The following CNTNAP3B variants were observed in gnomAD, a reference collection of about 807,000 sequenced individuals.
CNTNAP3B encodes the protein contactin-associated protein-like 3B.
Under a neutral mutation model 108.9 loss-of-function variants are expected in CNTNAP3B, and 25 were observed. That is an observed-to-expected ratio of 0.23 (90% CI 0.17 to 0.32). The LOEUF (loss-of-function observed/expected upper bound fraction) is 0.32. Among genes scored for constraint, CNTNAP3B ranks in the 10% least tolerant of loss-of-function variants. CNTNAP3B has a pLI of 1.00. For synonymous variants in CNTNAP3B, 103 were observed against 473.4 expected (o/e 0.22, Z 10.16); for missense variants, 252 against 1,210.4 (o/e 0.21, Z 11.75).
Position 42,129,398 on chromosome 9 carries a change from G to C in CNTNAP3B, c.-304C>G, listed in dbSNP as rs1828643547. The C allele has an allele frequency of 6.4e-6, 2 of 311,904 alleles. No individual in the cohort carries two copies. Among genetic ancestry groups the C allele is most frequent in the South Asian group, 2.6e-4 (2 of 7,580 alleles). The allele number at this position is 311,904 out of a possible 1,614,324, so 19.3% of individuals were successfully genotyped here. ...TTCAGGCGCGTCCCGGACACTAGGC[G>C]CGGGAGGCGGCCGGCACCAACGCGA... On this transcript the variant is annotated 5_prime_UTR_variant, in exon 1 of 24. Coordinates refer to ENST00000377561, the MANE Select transcript of CNTNAP3B (RefSeq NM_001201380.3).
intron 1 of CNTNAP3B, among the ~76,000 whole-genome samples, chr9:42,109,519 G>A (rs534453414): frequency 6.8e-6 from 1 of 147,842 alleles, no homozygotes; most frequent in Non-Finnish European, 1.5e-5. Flanking sequence ...AAAGCCAAAA[G>A]GAGGGGCGAC....
At chr9:42,124,252 C>T (rs1348100405) in intron 1 of CNTNAP3B, among the ~76,000 whole-genome samples, 2 of 129,660 alleles carry the variant, frequency 1.5e-5, no homozygotes, top group East Asian at 2.4e-4. Flanking sequence ...TTTTTTAGCC[C>T]CCACTTTATG....
In CNTNAP3B at chr9:42,110,402, C is replaced by T. The variant is rs1424773577; in HGVS notation, c.86-5663G>A. On this transcript the variant is annotated intron_variant, in intron 1 of 23. Coordinates refer to ENST00000377561, the MANE Select transcript of CNTNAP3B (RefSeq NM_001201380.3). Reference sequence around the variant, plus strand: ...ATGGAAGGAGAGGGGAAGGGGCCACCGAACTGCTAATATGAGGGGACGGCA... The same window carrying T: ...ATGGAAGGAGAGGGGAAGGGGCCACTGAACTGCTAATATGAGGGGACGGCA... 8.1e-5 allele frequency among the ~76,000 whole-genome samples: 11 copies of T among 136,632 alleles called. 1 individual carries two copies. The highest frequency in any genetic ancestry group is 4.4e-4 in the Admixed American group (6 of 13,634). The allele number at this position is 136,632 out of a possible 152,430, so 89.6% of individuals were successfully genotyped here.
chr9:41,999,534 C>T (rs1399081170), intron 4 of CNTNAP3B, among the ~76,000 whole-genome samples: 3 of 120,156 alleles, frequency 2.5e-5, no homozygotes, highest in African/African-American at 3.6e-5. Flanking sequence ...TCTCTCTCTA[C>T]ACACACACAC....
intron 18 of CNTNAP3B, among the ~76,000 whole-genome samples, chr9:41,918,744 T>C: frequency 6.9e-6 from 1 of 145,630 alleles, no homozygotes; most frequent in Non-Finnish European, 1.5e-5. Context: ...GGGAATGATT[T>C]AGAAATCAGC....
At chr9:41,944,489 T>G (rs1396888316) in intron 13 of CNTNAP3B, among the ~76,000 whole-genome samples, 1 of 152,290 alleles carries the variant, frequency 6.6e-6, no homozygotes, top group Non-Finnish European at 1.5e-5. Context: ...TAGATTGTTA[T>G]AGTGTATATT....
intron 12 of CNTNAP3B, among the ~76,000 whole-genome samples, chr9:41,955,413 AAAG>A (rs1235031781): frequency 4.6e-5 from 7 of 152,290 alleles, no homozygotes; most frequent in African/African-American, 1.7e-4. Context: ...TAAAAGACCC[AAAG>A]AAGGACACAG....
intron 15 of CNTNAP3B, chr9:41,926,757 C>T (rs1393988201): frequency 6.6e-6 from 1 of 152,328 alleles, no homozygotes; most frequent in African/African-American, 2.4e-5. Context: ...ACTTTCTCTT[C>T]TCCATACTTT....
chr9:42,074,946 C>T (rs1827453434), intron 3 of CNTNAP3B, among the ~76,000 whole-genome samples: 1 of 145,576 alleles, frequency 6.9e-6, no homozygotes, highest in African/African-American at 2.7e-5. Context: ...AACTAGGTAG[C>T]TAAAGTGATG....
At chr9:42,084,031 G>A (rs1827654448) in intron 2 of CNTNAP3B, among the ~76,000 whole-genome samples, 1 of 146,126 alleles carries the variant, frequency 6.8e-6, no homozygotes, top group Non-Finnish European at 1.5e-5. Flanking sequence ...CTCACATGCA[G>A]TCCACTGAGA....
intron 14 of CNTNAP3B, among the ~76,000 whole-genome samples, chr9:41,935,236 C>A (rs1427581738): frequency 3.3e-5 from 5 of 152,326 alleles, no homozygotes; most frequent in Non-Finnish European, 5.9e-5. Flanking sequence ...TGATCATAAA[C>A]TTTTTTTTAA....
At chr9:41,958,039 G>A (rs1824924639) in intron 12 of CNTNAP3B, among the ~76,000 whole-genome samples, 1 of 152,292 alleles carries the variant, frequency 6.6e-6, no homozygotes, top group Non-Finnish European at 1.5e-5. Flanking sequence ...TGGGATTACA[G>A]GCGTGAGCCA....
intron 9 of CNTNAP3B, chr9:41,983,226 T>C (rs1395907794): frequency 7.4e-6 from 1 of 135,596 alleles, no homozygotes; most frequent in Non-Finnish European, 1.6e-5. Context: ...GCATCACGTA[T>C]TTTCTGTAGG....
At chr9:42,086,721 A>T (rs1461837797) in intron 2 of CNTNAP3B, among the ~76,000 whole-genome samples, 4 of 113,288 alleles carry the variant, frequency 3.5e-5, no homozygotes, top group Non-Finnish European at 7.1e-5. Flanking sequence ...GCGGCATTAC[A>T]GGTGTGAGCC....
At chr9:41,969,386 C>T (rs1383166752) in intron 10 of CNTNAP3B, among the ~76,000 whole-genome samples, 8 of 148,386 alleles carry the variant, frequency 5.4e-5, no homozygotes, top group Non-Finnish European at 1.2e-4. Flanking sequence ...GCAGAAATTA[C>T]TTTTTATTTT....
chr9:42,042,513 T>C (rs1826782058), intron 3 of CNTNAP3B, among the ~76,000 whole-genome samples: 1 of 139,638 alleles, frequency 7.2e-6, no homozygotes, highest in Admixed American at 7.3e-5. Flanking sequence ...GCTGTGACTT[T>C]GTTGAACATG....
At chr9:41,967,874 T>C (rs549706898) in intron 10 of CNTNAP3B, among the ~76,000 whole-genome samples, 2 of 152,392 alleles carry the variant, frequency 1.3e-5, no homozygotes, top group African/African-American at 4.8e-5. Context: ...TTATCTGCAA[T>C]GATTATTGTA....
chr9:42,109,849 C>T (rs1341129496), intron 1 of CNTNAP3B, among the ~76,000 whole-genome samples: 2 of 134,704 alleles, frequency 1.5e-5, no homozygotes, highest in South Asian at 2.4e-4. Flanking sequence ...TCTTAAATAC[C>T]ATCAGAACTG....
chr9:42,113,437 G>C, intron 1 of CNTNAP3B, among the ~76,000 whole-genome samples: 1 of 139,656 alleles, frequency 7.2e-6, no homozygotes, highest in South Asian at 2.3e-4. Context: ...ACGAGAATAA[G>C]ACGAACCTAT....
Sources: allele counts gnomAD v4.1 joint callset (sites outside exome capture counted in the v4.1 genomes callset), GRCh38; gene constraint gnomAD v4.1.1; transcripts MANE v1.5; gene names NCBI Gene and HGNC (gene_info 2026-07-23, HGNC 2026-07-21).